Variants in CFAP141 observed in about 807,000 individuals in gnomAD.
CFAP141 encodes the protein cilia- and flagella-associated protein 141.
At chr1:154,205,654 G>A in the CFAP141 span, 6 of 1,612,794 alleles carry the variant, frequency 3.7e-6, no homozygotes, top group South Asian at 4.4e-5. Flanking sequence ...AGAAAAGGTA[G>A]TTCTGTTGAT....
chr1:154,202,961 A>G, the CFAP141 span, among the ~76,000 whole-genome samples: 8 of 150,808 alleles, frequency 5.3e-5, no homozygotes, highest in African/African-American at 1.9e-4. Flanking sequence ...TCTCTACTAA[A>G]AATACAAAAA....
chr1:154,203,232 T>C, the CFAP141 span, among the ~76,000 whole-genome samples: 865 of 75,762 alleles, frequency 0.011, 78 homozygotes, highest in African/African-American at 0.038. Context: ...TATATATATA[T>C]ATACTTTGTT....
chr1:154,203,201 A>T, the CFAP141 span, among the ~76,000 whole-genome samples: 1 of 44,866 alleles, frequency 2.2e-5, no homozygotes, highest in Non-Finnish European at 4.3e-5. Flanking sequence ...ATATATATAT[A>T]TATATATATA....
At chr1:154,205,970 T>C in the CFAP141 span, among the ~76,000 whole-genome samples, 2 of 152,160 alleles carry the variant, frequency 1.3e-5, no homozygotes, top group African/African-American at 2.4e-5. Context: ...CCCAAAGTGA[T>C]AGGATTACAG....
the CFAP141 span, chr1:154,199,377 G>T: frequency 2.4e-6 from 3 of 1,274,428 alleles, no homozygotes; most frequent in African/African-American, 1.5e-5. Context: ...GTTCTAGAAG[G>T]CTAGGTTAGC....
chr1:154,199,472 C>T, the CFAP141 span: 1 of 1,613,410 alleles, frequency 6.2e-7, no homozygotes, highest in Non-Finnish European at 8.5e-7. Context: ...GATTTAGTTC[C>T]TGCTGGTACT....
the CFAP141 span, among the ~76,000 whole-genome samples, chr1:154,203,983 C>G: frequency 6.6e-6 from 1 of 152,024 alleles, no homozygotes; most frequent in Non-Finnish European, 1.5e-5. Flanking sequence ...CCCAACTACT[C>G]AGGAGGCTGA....
At chr1:154,202,201 G>T in the CFAP141 span, among the ~76,000 whole-genome samples, 1 of 151,822 alleles carries the variant, frequency 6.6e-6, no homozygotes, top group Non-Finnish European at 1.5e-5. Context: ...GTCTCCCAAA[G>T]TGCTGGGATT....
the CFAP141 span, chr1:154,205,657 C>G: frequency 1.2e-6 from 2 of 1,612,204 alleles, no homozygotes; most frequent in Non-Finnish European, 1.7e-6. Context: ...AAAGGTAGTT[C>G]TGTTGATCTG....
the CFAP141 span, chr1:154,200,698 T>G: frequency 7.8e-7 from 1 of 1,280,148 alleles, no homozygotes; most frequent in Non-Finnish European, 1.1e-6. Context: ...TTCTTTTTTT[T>G]TGAGACAGAG....
At chr1:154,204,870 TG>T in the CFAP141 span, among the ~76,000 whole-genome samples, 1 of 147,682 alleles carries the variant, frequency 6.8e-6, no homozygotes, top group East Asian at 2.0e-4. Context: ...CTTGCATCAG[TG>T]TTTTTTTTTT....
chr1:154,203,600 T>C, the CFAP141 span, among the ~76,000 whole-genome samples: 1 of 151,950 alleles, frequency 6.6e-6, no homozygotes, highest in African/African-American at 2.4e-5. Flanking sequence ...TTTATTTTTT[T>C]GTAGAGACGG....
the CFAP141 span, among the ~76,000 whole-genome samples, chr1:154,203,959 C>T: frequency 1.3e-5 from 2 of 152,096 alleles, no homozygotes; most frequent in African/African-American, 4.8e-5. Flanking sequence ...GGTGTGGTGG[C>T]GGGCACCTGT....
chr1:154,203,582 G>A, the CFAP141 span, among the ~76,000 whole-genome samples: 5 of 151,718 alleles, frequency 3.3e-5, no homozygotes, highest in African/African-American at 1.2e-4. Context: ...GTGTGTGCCT[G>A]GCTAATTTTT....
chr1:154,199,249 A>G, the CFAP141 span: 2 of 496,866 alleles, frequency 4.0e-6, no homozygotes, highest in Non-Finnish European at 7.2e-6. Context: ...ATTGTTTCCC[A>G]AATAGCGGCA....
the CFAP141 span, chr1:154,205,786 T>C: frequency 1.9e-5 from 13 of 669,628 alleles, no homozygotes; most frequent in South Asian, 2.4e-4. Flanking sequence ...CTCACCGCAA[T>C]CTCCGCCTCC....
the CFAP141 span, among the ~76,000 whole-genome samples, chr1:154,204,032 A>G: frequency 6.6e-6 from 1 of 152,148 alleles, no homozygotes; most frequent in Admixed American, 6.6e-5. Context: ...CGGAGGTTGC[A>G]GCGAGCTGAG....
the CFAP141 span, chr1:154,200,652 C>A: frequency 6.6e-7 from 1 of 1,522,878 alleles, no homozygotes; most frequent in African/African-American, 1.4e-5. Flanking sequence ...AGACAAAAAA[C>A]CCATAGAGTG....
At chr1:154,201,631 G>A in the CFAP141 span, among the ~76,000 whole-genome samples, 1 of 148,814 alleles carries the variant, frequency 6.7e-6, no homozygotes, top group Non-Finnish European at 1.5e-5. Flanking sequence ...CAGGTGATCC[G>A]CCTGACTCAG....
Sources: gnomAD v4.1 joint callset for allele counts (sites outside exome capture counted in the v4.1 genomes callset) on GRCh38, gnomAD v4.1.1 for gene constraint, MANE v1.5 for transcripts, NCBI Gene and HGNC (gene_info 2026-07-23, HGNC 2026-07-21) for gene names.